Variants in ERBB4 observed in about 807,000 individuals in gnomAD.
The protein encoded by ERBB4 is receptor tyrosine-protein kinase erbB-4.
A neutral mutation model predicts 158.0 loss-of-function variants in ERBB4; 42 were observed. The ratio of observed to expected loss-of-function variants is 0.27; its 90% CI spans 0.21 to 0.34. ERBB4 has a LOEUF of 0.34. ERBB4 is among the 10% of genes least tolerant of loss of function. ERBB4 has a pLI of 1.00. For missense variants in ERBB4, 1,333 were observed against 1,624.1 expected (o/e 0.82, Z 3.08); for synonymous variants, 583 against 558.7 (o/e 1.04, Z -0.61).
chr2:211,493,372 T>C (rs1479469502), intron 20 of ERBB4, among the ~76,000 whole-genome samples: 1 of 152,096 alleles, frequency 6.6e-6, no homozygotes, highest in African/African-American at 2.4e-5. Flanking sequence ...TTCACTACCC[T>C]ATTTCCTTTC....
chr2:212,428,173 G>T lies in ERBB4; in HGVS notation c.82+110276C>A, dbSNP rs986761529. ...GATTCAAGAATGACATACAAATTGG[G>T]CATGAATTTTATATACAGGAAATGA... On this transcript the variant is annotated intron_variant, in intron 1 of 27. Transcript: ENST00000342788. Among the ~76,000 whole-genome samples, 17 of 151,998 alleles carry T rather than the reference G, an allele frequency of 1.1e-4. 1 individual carries two copies. Among genetic ancestry groups the T allele is most frequent in the African/African-American group, 3.6e-4 (15 of 41,376 alleles).
At chr2:211,673,046 G>A in intron 14 of ERBB4, 118 bp downstream of exon 14, 1 of 827,836 alleles carries the variant, frequency 1.2e-6, no homozygotes, top group Admixed American at 1.9e-5. Context: ...AGATAAACAT[G>A]TTTCCCCATG....
chr2:211,717,224 T>C (rs1284564381), intron 7 of ERBB4, among the ~76,000 whole-genome samples: 3 of 152,138 alleles, frequency 2.0e-5, no homozygotes, highest in African/African-American at 4.8e-5. Flanking sequence ...AAAGGGAAAA[T>C]ATCATTTAGC....
At chr2:211,839,194 GGAAA>G (rs1368878919) in intron 3 of ERBB4, among the ~76,000 whole-genome samples, 3 of 99,920 alleles carry the variant, frequency 3.0e-5, no homozygotes, top group Non-Finnish European at 2.2e-5. Flanking sequence ...GGAGGAGGAG[GGAAA>G]GAAAGAAAGA....
intron 1 of ERBB4, among the ~76,000 whole-genome samples, chr2:212,484,730 A>C (rs1424893923): frequency 6.6e-6 from 1 of 152,162 alleles, no homozygotes; most frequent in Non-Finnish European, 1.5e-5. Context: ...TTCCATCTTT[A>C]TCTCTGTCTC....
In ERBB4 at chr2:211,865,527, T is replaced by C. The variant is rs1328363463; in HGVS notation, c.422-77368A>G. 2.0e-5 allele frequency among the ~76,000 whole-genome samples: 3 copies of C among 152,070 alleles called. No homozygotes were observed. In the East Asian group the frequency reaches 5.8e-4, roughly 29 times the overall value. On this transcript the variant is annotated intron_variant, in intron 3 of 27. Coordinates refer to ENST00000342788, the MANE Select transcript of ERBB4 (RefSeq NM_005235.3). ...CTTGAGACGGAGTTTCACTCTTGTT[T>C]CCCAGGCTGGAGTGCAATGGCGTGA...
intron 19 of ERBB4, among the ~76,000 whole-genome samples, chr2:211,570,175 G>A (rs900143018): frequency 2.6e-5 from 4 of 151,878 alleles, no homozygotes; most frequent in East Asian, 1.9e-4. Context: ...TTTTTGAGAC[G>A]GAGTCTCACT....
At chr2:211,934,633 C>T (rs936570650) in intron 3 of ERBB4, among the ~76,000 whole-genome samples, 2 of 151,756 alleles carry the variant, frequency 1.3e-5, no homozygotes, top group African/African-American at 4.8e-5. Flanking sequence ...AGACATCACC[C>T]CATGAGTAAC....
intron 19 of ERBB4, among the ~76,000 whole-genome samples, chr2:211,610,005 C>A (rs1266424279): frequency 1.3e-5 from 2 of 152,052 alleles, no homozygotes; most frequent in Non-Finnish European, 2.9e-5. Flanking sequence ...ATTTTCTAAG[C>A]TATCCTTGTA....
At chr2:211,430,024 C>A (rs908636187) in intron 21 of ERBB4, among the ~76,000 whole-genome samples, 3 of 150,882 alleles carry the variant, frequency 2.0e-5, no homozygotes, top group Non-Finnish European at 3.0e-5. Flanking sequence ...AACAAACAGG[C>A]AAAATAGGGT....
intron 3 of ERBB4, among the ~76,000 whole-genome samples, chr2:211,918,522 C>T (rs933985223): frequency 6.6e-6 from 1 of 151,988 alleles, no homozygotes; most frequent in Non-Finnish European, 1.5e-5. Context: ...TTTAACTGTA[C>T]CCTGTAGATT....
At chr2:212,465,012 C>T (rs1017691024) in intron 1 of ERBB4, among the ~76,000 whole-genome samples, 6 of 151,826 alleles carry the variant, frequency 4.0e-5, no homozygotes, top group Admixed American at 1.3e-4. Context: ...TCTGCTCTTG[C>T]CTAGTTCTGC....
intron 1 of ERBB4, among the ~76,000 whole-genome samples, chr2:212,218,270 A>T (rs960293884): frequency 6.6e-6 from 1 of 151,220 alleles, no homozygotes; most frequent in Non-Finnish European, 1.5e-5. Context: ...TACAAATTAA[A>T]TTTTTTCTAT....
intron 3 of ERBB4, among the ~76,000 whole-genome samples, chr2:211,828,925 A>G (rs2077161528): frequency 6.6e-6 from 1 of 152,100 alleles, no homozygotes; most frequent in Non-Finnish European, 1.5e-5. Flanking sequence ...TTGAGGTTTC[A>G]GCTCAATTTT....
At position 211,386,849 on chromosome 2, in the gene ERBB4, A is replaced by C. The variant is rs779468846; in HGVS notation, c.3481+4T>G. On this transcript the variant is annotated splice_donor_region_variant and intron_variant, in intron 27 of 27. Transcript: ENST00000342788. The stretch of plus-strand genomic sequence containing the variant: ...GCGATCGTTTCTGAATAATCAGTTC[A>C]TACCTTGTTTGGGTTTGTCTCGCAT... 1.4e-5 allele frequency: 23 copies of C among 1,613,820 alleles called. No individual in the cohort carries two copies. In the East Asian group the frequency reaches 4.7e-4, roughly 33 times the overall value.
chr2:212,446,591 GTATATATA>G lies in ERBB4; in HGVS notation c.82+91850_82+91857del, dbSNP rs71057412. Among the ~76,000 whole-genome samples, 59 of 27,502 alleles carry G rather than the reference GTATATATA, an allele frequency of 2.1e-3. 2 individuals carry two copies. The highest frequency in any genetic ancestry group is 0.018 in the East Asian group (16 of 878). The allele number at this position is 27,502 out of a possible 152,430, so 18.0% of individuals were successfully genotyped here. On this transcript the variant is annotated intron_variant, in intron 1 of 27. Coordinates refer to ENST00000342788, the MANE Select transcript of ERBB4 (RefSeq NM_005235.3). Reference sequence around the variant, plus strand: ...TTAATAAACTCCCATATATATATATGTATATATATATATATATATATATATATATATAT... The same window carrying G: ...TTAATAAACTCCCATATATATATATGTATATATATATATATATATATATAT...
intron 20 of ERBB4, among the ~76,000 whole-genome samples, chr2:211,468,723 G>A (rs1383717928): frequency 1.3e-5 from 2 of 151,788 alleles, no homozygotes; most frequent in African/African-American, 2.4e-5. Context: ...AGTTAAAATG[G>A]GATTACTACT....
chr2:212,159,603 C>T (rs960797192), intron 1 of ERBB4, among the ~76,000 whole-genome samples: 22 of 151,898 alleles, frequency 1.4e-4, no homozygotes, highest in African/African-American at 5.3e-4. Context: ...TTGGGTATGA[C>T]AGGCTAGTTG....
At position 212,059,766 on chromosome 2, in the gene ERBB4, C is replaced by A. The variant is rs572368810; in HGVS notation, c.234+64986G>T. On this transcript the variant is annotated intron_variant, in intron 2 of 27. Transcript: ENST00000342788. ...GTAGAAAGCTGAAACTGGATCCCTC[C>A]CTTACACCTTATACAAAAATTAATT... Among the ~76,000 whole-genome samples, 157 of 152,258 alleles carry A rather than the reference C, an allele frequency of 1.0e-3. 1 individual carries two copies. The highest frequency in any genetic ancestry group is 3.6e-3 in the African/African-American group (150 of 41,540).
Sources: gnomAD v4.1 joint callset for allele counts (sites outside exome capture counted in the v4.1 genomes callset) on GRCh38, gnomAD v4.1.1 for gene constraint, MANE v1.5 for transcripts, NCBI Gene and HGNC (gene_info 2026-07-23, HGNC 2026-07-21) for gene names.